TAS2R10: variants seen among roughly 807,000 people sequenced by gnomAD.
TAS2R10 encodes the protein taste receptor type 2 member 10.
For missense variants in TAS2R10, 385 were observed against 362.0 expected (o/e 1.06, Z -0.52); for synonymous variants, 144 against 126.6 (o/e 1.14, Z -0.92).
chr12:10,825,623 T>C, exon 1 of TAS2R10: 1 of 1,613,736 alleles, frequency 6.2e-7, no homozygotes, highest in Non-Finnish European at 8.5e-7. Context: ...TGTGTTGGAG[T>C]CTCTCAATCC....
chr12:10,825,751 A>C (rs767878553), exon 1 of TAS2R10: 46 of 1,613,174 alleles, frequency 2.9e-5, no homozygotes, highest in Non-Finnish European at 3.6e-5. Flanking sequence ...AAATCTGTTT[A>C]ATAAAGTATT....
exon 1 of TAS2R10, chr12:10,826,270 A>C (rs370831023): frequency 1.9e-6 from 3 of 1,593,270 alleles, no homozygotes; most frequent in Non-Finnish European, 2.6e-6. Flanking sequence ...CACGTAGCAT[A>C]TCTGCTAATT....
At chr12:10,825,398 A>G in exon 1 of TAS2R10, 1 of 1,613,368 alleles carries the variant, frequency 6.2e-7, no homozygotes, top group Non-Finnish European at 8.5e-7. Context: ...TTGCTGCAGT[A>G]CCCTCAAAGA....
At chr12:10,826,006 C>T in the TAS2R10 span, 1 of 1,613,322 alleles carries the variant, frequency 6.2e-7, no homozygotes, top group Non-Finnish European at 8.5e-7. Flanking sequence ...TACCAATTAC[C>T]CAAAAGTAAC....
At chr12:10,825,804 T>C (rs769926561) in exon 1 of TAS2R10, 13 of 1,612,736 alleles carry the variant, frequency 8.1e-6, no homozygotes, top group Non-Finnish European at 1.0e-5. Flanking sequence ...TCATTCTTCG[T>C]TTTATAATCA....
At position 10,825,892 on chromosome 12, in the gene TAS2R10, A is replaced by T. The variant is rs894484288; in HGVS notation, c.378T>A (p.Asn126Lys). 5.6e-6 allele frequency: 9 copies of T among 1,613,406 alleles called. No homozygotes were observed. In the African/African-American group the frequency reaches 1.2e-4, roughly 22 times the overall value. The stretch of plus-strand genomic sequence containing the variant: ...ATACTATCATGAAGGGAAGAACCAT[A>T]TTTGTTCTGCTCTTCAACCAGAGAA... Residue 126 changes from asparagine to lysine, a missense_variant, in exon 1 of 1, where the codon AAT becomes AAA. By Grantham distance (94) the Asn-to-Lys change is moderately conservative (BLOSUM62 0). Coordinates refer to ENST00000240619, the Ensembl canonical transcript of TAS2R10.
exon 1 of TAS2R10, chr12:10,826,250 C>G: frequency 6.2e-7 from 1 of 1,609,086 alleles, no homozygotes; most frequent in South Asian, 1.1e-5. Flanking sequence ...AATGAAGATG[C>G]CTTCCACTAC....
exon 1 of TAS2R10, chr12:10,825,612 C>T (rs1948858821): frequency 6.2e-7 from 1 of 1,613,644 alleles, no homozygotes; most frequent in Non-Finnish European, 8.5e-7. Flanking sequence ...ACATGAGCTT[C>T]TGTGTTGGAG....
At chr12:10,825,809 T>A in exon 1 of TAS2R10, 1 of 1,611,874 alleles carries the variant, frequency 6.2e-7, no homozygotes, top group Non-Finnish European at 8.5e-7. Context: ...CTTCGTTTTA[T>A]AATCATTAAG....
At position 10,826,232 on chromosome 12, in the gene TAS2R10, A is replaced by G. The variant is rs374646119; in HGVS notation, c.38T>C (p.Val13Ala). The G allele has an allele frequency of 1.9e-6, 3 of 1,611,448 alleles. No homozygotes were observed. The African/African-American group carries it at 4.0e-5, about 22-fold the overall frequency. The change falls in exon 1 of 1, where the codon GTA becomes GCA. Residue 13 changes from valine (V) to alanine (A), a missense_variant. By Grantham distance (64) the Val-to-Ala change is moderately conservative. Transcript: ENST00000240619. ...AACCCCAAACACTGACTCACTAACT[A>G]CAACAAAAATGAAGATGCCTTCCAC...
chr12:10,825,446 A>C, exon 1 of TAS2R10: 1 of 1,613,694 alleles, frequency 6.2e-7, no homozygotes. Context: ...AATTAAGATA[A>C]ATGAGTGACC....
chr12:10,826,233 C>T lies in TAS2R10; in HGVS notation c.37G>A (p.Val13Ile), dbSNP rs747674783. 7.4e-6 allele frequency: 12 copies of T among 1,610,954 alleles called. No homozygotes were observed. In the South Asian group the frequency reaches 1.3e-4, roughly 18 times the overall value. ...ACCCCAAACACTGACTCACTAACTA[C>T]AACAAAAATGAAGATGCCTTCCACT... Residue 13 changes from valine (V) to isoleucine (I), a missense_variant, in exon 1 of 1, where the codon GTA becomes ATA. By Grantham distance (29) the Val-to-Ile change is conservative. Transcript: ENST00000240619.
chr12:10,825,345 T>C, exon 1 of TAS2R10: 1 of 1,602,062 alleles, frequency 6.2e-7, no homozygotes, highest in Non-Finnish European at 8.5e-7. Flanking sequence ...TCCCAAGGTG[T>C]CTATGTGACT....
chr12:10,825,343 T>C (rs749826485), exon 1 of TAS2R10: 4 of 1,596,570 alleles, frequency 2.5e-6, no homozygotes, highest in Non-Finnish European at 3.4e-6. Context: ...CTTCCCAAGG[T>C]GTCTATGTGA....
chr12:10,825,681 T>A (rs1948859840), exon 1 of TAS2R10: 1 of 1,613,594 alleles, frequency 6.2e-7, no homozygotes, highest in South Asian at 1.1e-5. Context: ...AGGGAAATGA[T>A]TAAAAAAATA....
downstream of TAS2R10, chr12:10,825,306 T>C (rs759203790): frequency 2.7e-6 from 4 of 1,487,506 alleles, no homozygotes; most frequent in South Asian, 1.3e-5. Context: ...ATTTATTCAC[T>C]GGATTCCTTT....
chr12:10,825,771 A>C, exon 1 of TAS2R10: 1 of 1,613,436 alleles, frequency 6.2e-7, no homozygotes, highest in South Asian at 1.1e-5. Context: ...TCACTTTTAT[A>C]CATGTTGAGA....
At chr12:10,825,315 T>C (rs376054124), downstream of TAS2R10, 144 of 1,536,268 alleles carry the variant, frequency 9.4e-5, no homozygotes, top group Non-Finnish European at 1.2e-4. Context: ...CTGGATTCCT[T>C]TCGTGGAACA....
chr12:10,825,271 A>T, downstream of TAS2R10: 1 of 1,091,518 alleles, frequency 9.2e-7, no homozygotes, highest in Non-Finnish European at 1.3e-6. Context: ...GCAAGAATGC[A>T]GTGCAATGAA....
Sources: allele counts gnomAD v4.1 joint callset, GRCh38; gene constraint gnomAD v4.1.1; transcripts MANE v1.5; gene names NCBI Gene and HGNC (gene_info 2026-07-23, HGNC 2026-07-21).